Variants in CHIT1 observed in about 807,000 individuals in gnomAD.
The protein encoded by CHIT1 is chitotriosidase-1.
In CHIT1, 47 loss-of-function variants were observed where a neutral mutation model predicts 52.0. That is an observed-to-expected ratio of 0.90 (90% confidence interval 0.71 to 1.15). The LOEUF (loss-of-function observed/expected upper bound fraction) is 1.15, where lower values mean the gene tolerates loss of function less well. Ranked by LOEUF, CHIT1 falls within the 50% of genes most tolerant of loss-of-function variation. The pLI, the probability that CHIT1 is intolerant of heterozygous loss-of-function variation, is 0.00. For synonymous variants in CHIT1, 242 were observed against 228.2 expected (o/e 1.06, Z -0.54); for missense variants, 569 against 583.0 (o/e 0.98, Z 0.25).
At chr1:203,218,111 G>T (rs1656604606) in intron 9 of CHIT1, 6 of 1,470,156 alleles carry the variant, frequency 4.1e-6, no homozygotes, top group Non-Finnish European at 5.4e-6. Context: ...GGTGGGTGCA[G>T]TCGGGAGGAA....
At chr1:203,220,023 G>A (rs1232446374) in intron 7 of CHIT1, among the ~76,000 whole-genome samples, 174 bp from the exon 8 acceptor site, 1 of 152,124 alleles carries the variant, frequency 6.6e-6, no homozygotes, top group African/African-American at 2.4e-5. Context: ...CCTTAGACCC[G>A]TGACCCCAGT....
intron 9 of CHIT1, among the ~76,000 whole-genome samples, chr1:203,218,416 A>C (rs1488102290): frequency 6.6e-6 from 1 of 152,086 alleles, no homozygotes; most frequent in Non-Finnish European, 1.5e-5. Flanking sequence ...TAACCCTGCC[A>C]GGGGGCCATG....
At chr1:203,223,332 T>C in intron 5 of CHIT1, 73 bp from the exon 6 acceptor site, 3 of 1,612,028 alleles carry the variant, frequency 1.9e-6, no homozygotes, top group Non-Finnish European at 2.5e-6. Context: ...CCCAGGTAGA[T>C]GTTCACTTGT....
intron 2 of CHIT1, among the ~76,000 whole-genome samples, chr1:203,228,132 G>A (rs546959889): frequency 6.6e-6 from 1 of 152,348 alleles, no homozygotes; most frequent in East Asian, 1.9e-4. Context: ...AACCAGATGA[G>A]ACTTAGGTTC....
In CHIT1 at chr1:203,216,354, A is replaced by T; in HGVS notation, c.*535T>A. On this transcript the variant is annotated 3_prime_UTR_variant, in exon 11 of 11. Coordinates refer to ENST00000367229, the MANE Select transcript of CHIT1 (RefSeq NM_003465.3). ...CTGAGTGGCTGCTCGCAGAGCGCTT[A>T]AATCAGGGAAAAGTTCTTCTCTGCT... 2.2e-6 allele frequency: 1 copy of T among 454,142 alleles called. No individual in the cohort carries two copies. The highest frequency in any genetic ancestry group is 4.4e-6 in the Non-Finnish European group (1 of 226,806). The allele number at this position is 454,142 out of a possible 1,614,324, so 28.1% of individuals were successfully genotyped here.
intron 7 of CHIT1, among the ~76,000 whole-genome samples, chr1:203,221,304 A>T (rs1277450550): frequency 5.9e-5 from 9 of 152,144 alleles, no homozygotes; most frequent in Admixed American, 6.5e-5. Context: ...GGTTTTATAA[A>T]CCCTCTCTAT....
intron 10 of CHIT1, 125 bp from the exon 11 acceptor site, chr1:203,217,258 C>T: frequency 1.3e-6 from 2 of 1,576,996 alleles, no homozygotes; most frequent in African/African-American, 1.3e-5. Flanking sequence ...AGGCTGAGTA[C>T]AGCCAGATAC....
intron 10 of CHIT1, chr1:203,217,466 G>A: frequency 7.8e-7 from 1 of 1,287,404 alleles, no homozygotes; most frequent in Non-Finnish European, 1.1e-6. Flanking sequence ...GGAACAAGGT[G>A]CTGCTCCCAG....
intron 2 of CHIT1, among the ~76,000 whole-genome samples, chr1:203,228,044 C>T (rs1656989143): frequency 6.6e-6 from 1 of 152,214 alleles, no homozygotes; most frequent in Non-Finnish European, 1.5e-5. Flanking sequence ...CTGCCTCTCT[C>T]AAGCTCCACA....
Position 203,222,229 on chromosome 1 carries a change from C to A in CHIT1, c.702G>T (p.Glu234Asp), listed in dbSNP as rs199819924. 14 of 1,614,202 alleles carry A rather than the reference C, an allele frequency of 8.7e-6. No homozygotes were observed. In the East Asian group the frequency reaches 3.1e-4, roughly 36 times the overall value. Residue 234 changes from glutamate (E) to aspartate (D), a missense_variant, in exon 7 of 11, where the codon GAG becomes GAT. By Grantham distance (45) the Glu-to-Asp change is conservative. Transcript: ENST00000367229. ...HNSPLYKRQE[E>D]SGAAASLNVD... ...CGTTGAGGCTGGCTGCTGCACCACTCTCTTCTTGCCTCTTGTAGAGGGGGC... is the reference window on the plus strand; with the variant it reads ...CGTTGAGGCTGGCTGCTGCACCACTATCTTCTTGCCTCTTGTAGAGGGGGC...
rs1656662391 is a variant in CHIT1, at chr1:203,219,710, G to A, written c.869C>T (p.Thr290Ile). The A allele has an allele frequency of 6.2e-7, 1 of 1,614,160 alleles. No individual in the cohort carries two copies. The highest frequency in any genetic ancestry group is 8.5e-7 in the Non-Finnish European group (1 of 1,180,018). ...RVGAPATGSG[T>I]PGPFTKEGGM... ...TCCTTCCTTGGTGAAGGGGCCTGGA[G>A]TGCCAGACCCTGTGGCTGGGGCCCC... Residue 290 changes from threonine to isoleucine, a missense_variant, in exon 8 of 11, where the codon ACT becomes ATT. By Grantham distance (89) the Thr-to-Ile change is moderately conservative. Transcript: ENST00000367229.
rs1553274588 is a variant in CHIT1, at chr1:203,217,822, C to CCATGGCCCCGCCCAGTCCCT, written c.1072_1073insAGGGACTGGGCGGGGCCATG (p.Trp358Ter). ...GGCAAAGTCATCTAAGTCCAGTGCCCAGACCATGGCCCCGCCCAGTCCCTT... is the reference window on the plus strand; with the variant it reads ...GGCAAAGTCATCTAAGTCCAGTGCCCCATGGCCCCGCCCAGTCCCTAGACCATGGCCCCGCCCAGTCCCTT... On this transcript the variant is annotated stop_gained and frameshift_variant, in exon 10 of 11. Coordinates refer to ENST00000367229, the MANE Select transcript of CHIT1 (RefSeq NM_003465.3). LOFTEE classifies it high-confidence loss of function. The CCATGGCCCCGCCCAGTCCCT allele has an allele frequency of 6.2e-7, 1 of 1,612,032 alleles. No individual in the cohort carries two copies. The highest frequency in any genetic ancestry group is 1.3e-5 in the African/African-American group (1 of 74,912).
chr1:203,226,854 G>A (rs920177740), intron 2 of CHIT1, among the ~76,000 whole-genome samples: 11 of 151,972 alleles, frequency 7.2e-5, no homozygotes, highest in African/African-American at 2.4e-4. Context: ...ATAGACTTTG[G>A]GTCTATCTCA....
chr1:203,219,864 C>T lies in CHIT1; in HGVS notation c.730-15G>A, dbSNP rs1381234137. On this transcript the variant is annotated splice_polypyrimidine_tract_variant and intron_variant, in intron 7 of 10. Coordinates refer to ENST00000367229, the MANE Select transcript of CHIT1 (RefSeq NM_003465.3). ...ACAGCAGCATCCTGGTGGAAGAGGGCAGGGTTAATTTTCTCAGCCCTCAGC... is the reference window on the plus strand; with the variant it reads ...ACAGCAGCATCCTGGTGGAAGAGGGTAGGGTTAATTTTCTCAGCCCTCAGC... 6.2e-7 allele frequency: 1 copy of T among 1,611,684 alleles called. No individual in the cohort carries two copies. The highest frequency in any genetic ancestry group is 1.1e-5 in the South Asian group (1 of 90,952).
intron 1 of CHIT1, among the ~76,000 whole-genome samples, chr1:203,228,940 A>T (rs867310412): frequency 6.6e-6 from 1 of 152,214 alleles, no homozygotes; most frequent in Non-Finnish European, 1.5e-5. Context: ...GCTAGAAAGA[A>T]TCAATCTGGA....
chr1:203,223,420 C>G (rs1656812052), intron 5 of CHIT1, 75 bp downstream of exon 5: 1 of 1,600,116 alleles, frequency 6.2e-7, no homozygotes, highest in Non-Finnish European at 8.6e-7. Context: ...GGCAGAGCAG[C>G]CCCCACATGT....
intron 2 of CHIT1, 63 bp downstream of exon 2, chr1:203,228,470 G>A (rs1657005672): frequency 1.3e-6 from 2 of 1,531,628 alleles, no homozygotes; most frequent in African/African-American, 1.4e-5. Context: ...CAGGGAAGGT[G>A]TTTTGGGACA....
At position 203,223,576 on chromosome 1, in the gene CHIT1, G is replaced by A. The variant is rs905564984; in HGVS notation, c.399C>T (p.Asp133=). ...GGTACTCCCAGTCAAGGTCAAGGCC[G>A]TCAAAGCTGTATTTGCGCAGAAACC... ...AIRFLRKYSF[D]GLDLDWEYPG... The change falls in exon 5 of 11, where the codon GAC becomes GAT. Residue 133 remains aspartate, a synonymous_variant. Coordinates refer to ENST00000367229, the MANE Select transcript of CHIT1 (RefSeq NM_003465.3). 14 of 1,614,068 alleles carry A rather than the reference G, an allele frequency of 8.7e-6. No homozygotes were observed. Among genetic ancestry groups the A allele is most frequent in the Admixed American group, 1.7e-5 (1 of 60,010 alleles).
At position 203,223,644 on chromosome 1, in the gene CHIT1, C is replaced by T. The variant is rs747602221; in HGVS notation, c.331G>A (p.Ala111Thr). The change falls in exon 5 of 11, where the codon GCC becomes ACC. Residue 111 changes from alanine to threonine, a missense_variant. Physicochemically the swap from Ala to Thr is moderately conservative, Grantham distance 58 (BLOSUM62 0). Transcript: ENST00000367229. Reference sequence around the variant, plus strand: ...AAGGTCTGACGGTTGTTGGCCGTGGCTACCATATCTGTGAACCTGTGAGGT... The same window carrying T: ...AAGGTCTGACGGTTGTTGGCCGTGGTTACCATATCTGTGAACCTGTGAGGT... ...FGTQKFTDMV[A>T]TANNRQTFVN... The T allele has an allele frequency of 2.0e-5, 32 of 1,614,048 alleles. No homozygotes were observed. The highest frequency in any genetic ancestry group is 2.5e-5 in the Non-Finnish European group (30 of 1,180,040).
Sources: allele counts gnomAD v4.1 joint callset (sites outside exome capture counted in the v4.1 genomes callset), GRCh38; gene constraint gnomAD v4.1.1; transcripts MANE v1.5; gene names NCBI Gene and HGNC (gene_info 2026-07-23, HGNC 2026-07-21).